The following RUNDC3B variants were observed in gnomAD, a reference collection of about 807,000 sequenced individuals.
RUNDC3B encodes the protein RUN domain-containing protein 3B.
In RUNDC3B, 33 loss-of-function variants were observed where a neutral mutation model predicts 58.4. The observed-to-expected ratio is 0.56, with a 90% CI of 0.43 to 0.75. RUNDC3B has a LOEUF of 0.75. RUNDC3B is among the 30% of genes least tolerant of loss of function. The probability of loss-of-function intolerance (pLI) is 0.00; values close to 1 mark genes in which losing one functional copy is unlikely to be tolerated. For synonymous variants in RUNDC3B, 193 were observed against 195.2 expected (o/e 0.99, Z 0.10); for missense variants, 501 against 535.7 (o/e 0.94, Z 0.64).
At chr7:87,810,303 A>G (rs1159862118) in intron 9 of RUNDC3B, among the ~76,000 whole-genome samples, 1 of 152,202 alleles carries the variant, frequency 6.6e-6, no homozygotes, top group East Asian at 1.9e-4. Context: ...TATAGGCCAA[A>G]CAAAAGCAAA....
chr7:87,746,234 T>C (rs1456992259), intron 6 of RUNDC3B, among the ~76,000 whole-genome samples: 2 of 152,208 alleles, frequency 1.3e-5, no homozygotes, highest in African/African-American at 4.8e-5. Flanking sequence ...TGGTCTATCT[T>C]GGAGAAAGTT....
intron 8 of RUNDC3B, among the ~76,000 whole-genome samples, chr7:87,787,803 C>A (rs1412715969): frequency 6.6e-6 from 1 of 152,088 alleles, no homozygotes. Context: ...TATATGGGAA[C>A]CTTAAAATCT....
chr7:87,783,166 C>T (rs1334010733), intron 8 of RUNDC3B, among the ~76,000 whole-genome samples: 3 of 150,004 alleles, frequency 2.0e-5, no homozygotes, highest in Non-Finnish European at 4.5e-5. Flanking sequence ...TGTGTGTGTG[C>T]ATGTGTTTGT....
intron 6 of RUNDC3B, among the ~76,000 whole-genome samples, chr7:87,764,919 A>G (rs1057079247): frequency 6.6e-6 from 1 of 151,930 alleles, no homozygotes; most frequent in South Asian, 2.1e-4. Context: ...GGAAATCCCA[A>G]TTCATCTGGT....
chr7:87,677,904 C>A (rs772891114), intron 2 of RUNDC3B, among the ~76,000 whole-genome samples: 15 of 152,086 alleles, frequency 9.9e-5, no homozygotes, highest in Non-Finnish European at 1.9e-4. Flanking sequence ...CTTTAGAGTT[C>A]TAAAAGAAAA....
Position 87,752,271 on chromosome 7 carries a change from G to T in RUNDC3B, c.629+10692G>T, listed in dbSNP as rs965897296. On this transcript the variant is annotated intron_variant, in intron 6 of 10. Coordinates refer to ENST00000394654, the MANE Select transcript of RUNDC3B (RefSeq NM_001134405.2). ...GCTTTTTGATGTGCTGCTGGATTCT[G>T]TTTGCCAGTATTTTATTGAGGATTT... Among the ~76,000 whole-genome samples, 77 of 152,240 alleles carry T rather than the reference G, an allele frequency of 5.1e-4. 1 individual carries two copies. The highest frequency in any genetic ancestry group is 1.5e-3 in the African/African-American group (63 of 41,526).
At chr7:87,819,209 C>A (rs568624837) in intron 10 of RUNDC3B, among the ~76,000 whole-genome samples, 2 of 152,258 alleles carry the variant, frequency 1.3e-5, no homozygotes, top group Admixed American at 1.3e-4. Flanking sequence ...GAGTCAACAC[C>A]ATTAGAGGGT....
rs373344881 is a variant in RUNDC3B, at chr7:87,652,621, G to GATATATATATATATAT, written c.238+1694_238+1709dup. On this transcript the variant is annotated intron_variant, in intron 2 of 10. Transcript: ENST00000394654. ...CTGTCAGTTGACTCTTGTGGTCACT[G>GATATATATATATATAT]ATATATATATATATATATATATATA... Among the ~76,000 whole-genome samples, 754 of 125,262 alleles carry GATATATATATATATAT rather than the reference G, an allele frequency of 6.0e-3. 16 individuals are homozygous for GATATATATATATATAT. Among genetic ancestry groups the GATATATATATATATAT allele is most frequent in the African/African-American group, 0.011 (317 of 29,076 alleles). 82.2% of individuals were successfully genotyped at this position (125,262 alleles called of 152,430 possible).
intron 4 of RUNDC3B, among the ~76,000 whole-genome samples, chr7:87,724,253 G>A (rs534825504): frequency 9.2e-5 from 14 of 152,076 alleles, no homozygotes; most frequent in East Asian, 1.9e-4. Context: ...GTCACCTGCC[G>A]TGGGGATACC....
intron 6 of RUNDC3B, among the ~76,000 whole-genome samples, chr7:87,757,666 C>CA (rs1833445421): frequency 6.6e-6 from 1 of 151,994 alleles, no homozygotes; most frequent in Non-Finnish European, 1.5e-5. Flanking sequence ...AAAAATTATA[C>CA]AAAATTATGT....
chr7:87,675,039 G>A (rs1019908071), intron 2 of RUNDC3B, among the ~76,000 whole-genome samples: 2 of 152,228 alleles, frequency 1.3e-5, no homozygotes, highest in Admixed American at 1.3e-4. Flanking sequence ...TTAAGTGTCT[G>A]TTGGGGAAAT....
chr7:87,701,482 C>T (rs1829030411), intron 3 of RUNDC3B, among the ~76,000 whole-genome samples: 1 of 152,128 alleles, frequency 6.6e-6, no homozygotes, highest in Non-Finnish European at 1.5e-5. Flanking sequence ...AATGTGTCAA[C>T]ATTTGATGGA....
chr7:87,829,723 A>C (rs1838033583), intron 10 of RUNDC3B, among the ~76,000 whole-genome samples, 162 bp from the exon 11 acceptor site: 1 of 151,878 alleles, frequency 6.6e-6, no homozygotes, highest in Admixed American at 6.6e-5. Flanking sequence ...TTGGTACTTT[A>C]ATGGGGATAG....
chr7:87,819,956 C>A (rs1374410002), intron 10 of RUNDC3B, among the ~76,000 whole-genome samples: 1 of 151,728 alleles, frequency 6.6e-6, no homozygotes, highest in Middle Eastern at 3.4e-3. Context: ...AAATTGACAC[C>A]CTAACATCAC....
chr7:87,801,811 A>G (rs1325412699), intron 8 of RUNDC3B, among the ~76,000 whole-genome samples: 1 of 152,156 alleles, frequency 6.6e-6, no homozygotes, highest in Non-Finnish European at 1.5e-5. Flanking sequence ...TAGAGGAGAG[A>G]GGTAAATATA....
chr7:87,635,658 G>A (rs554268565), intron 1 of RUNDC3B, among the ~76,000 whole-genome samples: 28 of 152,066 alleles, frequency 1.8e-4, no homozygotes, highest in East Asian at 3.9e-4. Flanking sequence ...AAAAGTATAC[G>A]TAGCATAACT....
chr7:87,736,754 A>C (rs1303681510), intron 4 of RUNDC3B, among the ~76,000 whole-genome samples: 1 of 146,638 alleles, frequency 6.8e-6, no homozygotes, highest in African/African-American at 2.5e-5. Context: ...TAAGCAGTAC[A>C]ATGTTTTGGT....
chr7:87,737,373 A>C (rs1311594525), intron 4 of RUNDC3B, among the ~76,000 whole-genome samples: 1 of 152,124 alleles, frequency 6.6e-6, no homozygotes, highest in Non-Finnish European at 1.5e-5. Context: ...TAAAATGAAA[A>C]GGTTGAAATT....
At chr7:87,641,450 C>T (rs899883587) in intron 1 of RUNDC3B, among the ~76,000 whole-genome samples, 3 of 152,196 alleles carry the variant, frequency 2.0e-5, no homozygotes, top group Non-Finnish European at 2.9e-5. Context: ...GAACAACCTA[C>T]AGTTTGCTCC....
Sources: allele counts gnomAD v4.1 joint callset (sites outside exome capture counted in the v4.1 genomes callset), GRCh38; gene constraint gnomAD v4.1.1; transcripts MANE v1.5; gene names NCBI Gene and HGNC (gene_info 2026-07-23, HGNC 2026-07-21).